PPARGC1A: variants seen among roughly 807,000 people sequenced by gnomAD.
PPARGC1A encodes PPARG coactivator 1 alpha.
In PPARGC1A, 25 loss-of-function variants were observed where a neutral mutation model predicts 88.7. That is an observed-to-expected ratio of 0.28 (90% CI 0.21 to 0.39). PPARGC1A has a LOEUF of 0.39. Ranked by LOEUF, PPARGC1A falls within the 10% of genes least tolerant of loss-of-function variation. The pLI, the probability that PPARGC1A is intolerant of heterozygous loss-of-function variation, is 1.00. For missense variants in PPARGC1A, 880 were observed against 968.7 expected (o/e 0.91, Z 1.22); for synonymous variants, 363 against 355.6 (o/e 1.02, Z -0.24).
chr4:24,424,748 T>C, the PPARGC1A span, among the ~76,000 whole-genome samples: 2 of 152,220 alleles, frequency 1.3e-5, no homozygotes, highest in African/African-American at 2.4e-5. Context: ...TCATTCAATA[T>C]AGTTTTTCAA....
At chr4:24,260,274 T>G in the PPARGC1A span, among the ~76,000 whole-genome samples, 3 of 152,326 alleles carry the variant, frequency 2.0e-5, no homozygotes, top group Non-Finnish European at 4.4e-5. Flanking sequence ...CACAACACAG[T>G]GATCACTGAA....
chr4:24,190,471 C>T, the PPARGC1A span, among the ~76,000 whole-genome samples: 1 of 152,070 alleles, frequency 6.6e-6, no homozygotes, highest in South Asian at 2.1e-4. Flanking sequence ...GCCGAGATCG[C>T]ACCACTGCAC....
chr4:24,114,306 A>G, the PPARGC1A span, among the ~76,000 whole-genome samples: 3 of 152,288 alleles, frequency 2.0e-5, no homozygotes, highest in East Asian at 5.8e-4. Flanking sequence ...TCTAACCGCT[A>G]TGGTCTTTCA....
the PPARGC1A span, among the ~76,000 whole-genome samples, chr4:24,210,114 C>G: frequency 3.3e-5 from 5 of 152,174 alleles, no homozygotes; most frequent in African/African-American, 1.2e-4. Context: ...TCCTCCCCTC[C>G]TTGTCCTAGG....
At chr4:24,050,956 G>A in the PPARGC1A span, among the ~76,000 whole-genome samples, 1 of 152,052 alleles carries the variant, frequency 6.6e-6, no homozygotes, top group Non-Finnish European at 1.5e-5. Flanking sequence ...GGGAGGCCAA[G>A]GTGGGCAGAT....
the PPARGC1A span, among the ~76,000 whole-genome samples, chr4:24,166,995 T>C: frequency 6.6e-6 from 1 of 152,226 alleles, no homozygotes; most frequent in Non-Finnish European, 1.5e-5. Flanking sequence ...ATACATTTCA[T>C]AAAGCTATAG....
At chr4:24,346,663 CTT>C in the PPARGC1A span, among the ~76,000 whole-genome samples, 1 of 152,094 alleles carries the variant, frequency 6.6e-6, no homozygotes, top group African/African-American at 2.4e-5. Flanking sequence ...GATTTTCTCT[CTT>C]CTTTTCCTGG....
chr4:24,467,415 G>A, the PPARGC1A span, among the ~76,000 whole-genome samples: 1 of 152,190 alleles, frequency 6.6e-6, no homozygotes. Context: ...TAGAAGCCCA[G>A]TTGATATTTT....
At chr4:24,222,763 G>C in the PPARGC1A span, among the ~76,000 whole-genome samples, 6 of 152,070 alleles carry the variant, frequency 3.9e-5, no homozygotes, top group Non-Finnish European at 7.4e-5. Context: ...CCAAAGACTA[G>C]AACTTTGAAG....
In PPARGC1A at chr4:23,795,861, A is replaced by T. The variant is rs907517731; in HGVS notation, c.2358T>A (p.Asp786Glu). Residue 786 changes from aspartate (D) to glutamate (E), a missense_variant, in exon 13 of 13, where the codon GAT (aspartate) becomes GAA (glutamate). Asp to Glu is a conservative substitution (Grantham distance 45). Coordinates refer to ENST00000264867, the MANE Select transcript of PPARGC1A (RefSeq NM_013261.5). ...TKSKYDSLDF[D>E]SLLKEAQRSL... ...TTCTCTGAGCTTCTTTCAGTAAACT[A>T]TCAAAATCCAGAGAGTCATACTTGC... The T allele has an allele frequency of 6.2e-7, 1 of 1,611,560 alleles. No individual in the cohort carries two copies. Among genetic ancestry groups the T allele is most frequent in the African/African-American group, 1.3e-5 (1 of 74,580 alleles).
the PPARGC1A span, among the ~76,000 whole-genome samples, chr4:24,134,519 G>T: frequency 6.6e-6 from 1 of 152,214 alleles, no homozygotes; most frequent in Non-Finnish European, 1.5e-5. Context: ...CCATATTCCA[G>T]ATGTCATGAG....
chr4:24,284,712 AG>A, the PPARGC1A span, among the ~76,000 whole-genome samples: 21 of 152,192 alleles, frequency 1.4e-4, no homozygotes, highest in Admixed American at 8.5e-4. Context: ...AGGATGTAAA[AG>A]AAGAGTATTC....
At chr4:24,042,595 A>G in the PPARGC1A span, among the ~76,000 whole-genome samples, 1 of 152,234 alleles carries the variant, frequency 6.6e-6, no homozygotes, top group Admixed American at 6.5e-5. Context: ...AAAGGAGCCA[A>G]TGCAATAGAT....
upstream of PPARGC1A, among the ~76,000 whole-genome samples, chr4:23,908,933 G>A (rs774954307): frequency 3.9e-5 from 6 of 152,150 alleles, no homozygotes; most frequent in Non-Finnish European, 8.8e-5. Flanking sequence ...TGATAGTTCC[G>A]CAACATCCCA....
chr4:24,442,245 ATT>A, the PPARGC1A span, among the ~76,000 whole-genome samples: 1 of 152,176 alleles, frequency 6.6e-6, no homozygotes. Context: ...CTCCAAGTGT[ATT>A]TTTATCTTGT....
chr4:24,047,374 C>G, the PPARGC1A span, among the ~76,000 whole-genome samples: 1 of 152,184 alleles, frequency 6.6e-6, no homozygotes, highest in African/African-American at 2.4e-5. Context: ...TTTGATTAAC[C>G]TGGTCTGAAG....
intron 2 of PPARGC1A, chr4:23,884,226 G>T (rs1390878709): frequency 1.3e-5 from 2 of 152,388 alleles, no homozygotes; most frequent in Admixed American, 6.6e-5. Context: ...CAGTAGATTA[G>T]TCAAGTTTAG....
At chr4:24,195,767 C>T in the PPARGC1A span, among the ~76,000 whole-genome samples, 2 of 152,104 alleles carry the variant, frequency 1.3e-5, no homozygotes, top group Admixed American at 6.5e-5. Context: ...TTATGCCTCG[C>T]TATCCTTATT....
the PPARGC1A span, among the ~76,000 whole-genome samples, chr4:24,382,243 C>A: frequency 6.6e-6 from 1 of 152,106 alleles, no homozygotes; most frequent in African/African-American, 2.4e-5. Flanking sequence ...TGAAACAAAG[C>A]TGAATAAAAT....
Sources: allele counts gnomAD v4.1 joint callset (sites outside exome capture counted in the v4.1 genomes callset), GRCh38; gene constraint gnomAD v4.1.1; transcripts MANE v1.5; gene names NCBI Gene and HGNC (gene_info 2026-07-23, HGNC 2026-07-21).